The following CBFA2T3 variants were observed in gnomAD, a reference collection of about 807,000 sequenced individuals.
The protein encoded by CBFA2T3 is CBFA2/RUNX1 partner transcriptional co-repressor 3.
A neutral mutation model predicts 58.6 loss-of-function variants in CBFA2T3; 31 were observed. That is an observed-to-expected ratio of 0.53 (90% confidence interval 0.40 to 0.71). CBFA2T3 has a LOEUF of 0.71. CBFA2T3 is among the 30% of genes least tolerant of loss of function. The pLI is 0.00. For missense variants in CBFA2T3, 1,076 were observed against 963.1 expected, an observed-to-expected ratio of 1.12 and a Z score of -1.55; for synonymous variants, 531 against 421.9, an observed-to-expected ratio of 1.26 and a Z score of -3.17.
intron 8 of CBFA2T3, among the ~76,000 whole-genome samples, chr16:88,882,418 T>G (rs559921164): frequency 6.8e-6 from 1 of 147,492 alleles, no homozygotes; most frequent in African/African-American, 2.6e-5. Context: ...TGGCTGTGTG[T>G]GTATGGCTGT....
chr16:88,920,599 T>A (rs1305908544), intron 1 of CBFA2T3, among the ~76,000 whole-genome samples: 1 of 152,212 alleles, frequency 6.6e-6, no homozygotes, highest in Non-Finnish European at 1.5e-5. Flanking sequence ...ATATTTCATC[T>A]TAATTAATTC....
chr16:88,932,545 G>C (rs1318146520), intron 1 of CBFA2T3, among the ~76,000 whole-genome samples: 2 of 152,078 alleles, frequency 1.3e-5, no homozygotes, highest in African/African-American at 2.4e-5. Flanking sequence ...TACTCTGTAG[G>C]CTGAAGGGGG....
chr16:88,879,746 G>T (rs539352297), intron 10 of CBFA2T3: 1 of 416,852 alleles, frequency 2.4e-6, no homozygotes, highest in East Asian at 3.6e-5. Context: ...GTCACGTGGT[G>T]TCACAAGTCA....
At position 88,876,515 on chromosome 16, in the gene CBFA2T3, C is replaced by T. The variant is rs1968832786; in HGVS notation, c.*461G>A. On this transcript the variant is annotated 3_prime_UTR_variant, in exon 12 of 12. Coordinates refer to ENST00000268679, the MANE Select transcript of CBFA2T3 (RefSeq NM_005187.6). Reference sequence around the variant, plus strand: ...GCTCTTTTGCCAACACACAAAACCCCCCAAAATTCTTTGCTGAAAATATAA... The same window carrying T: ...GCTCTTTTGCCAACACACAAAACCCTCCAAAATTCTTTGCTGAAAATATAA... The T allele has an allele frequency of 4.2e-6, 1 of 235,490 alleles. No individual in the cohort carries two copies. Among genetic ancestry groups the T allele is most frequent in the Admixed American group, 5.6e-5 (1 of 17,822 alleles). The allele number at this position is 235,490 out of a possible 1,614,324, so 14.6% of individuals were successfully genotyped here.
At chr16:88,898,953 G>C (rs954912430) in intron 2 of CBFA2T3, among the ~76,000 whole-genome samples, 5 of 152,222 alleles carry the variant, frequency 3.3e-5, no homozygotes, top group Non-Finnish European at 5.9e-5. Context: ...CGGGTAGTGA[G>C]TTCTCTGTCA....
chr16:88,886,134 C>A lies in CBFA2T3; in HGVS notation c.720G>T (p.Leu240=). Residue 240 remains leucine (L), a synonymous_variant, in exon 6 of 12, where the codon CTG becomes CTT. Transcript: ENST00000268679. The part of the protein sequence containing the change: ...PFVIPFLKAN[L]PLLQRELLHC... ...GCAGGAGCTCCCGCTGCAGCAAGGG[C>A]AGGTTTGCCTGTGGGGTGGGGAAGG... The A allele has an allele frequency of 6.5e-7, 1 of 1,540,250 alleles. No homozygotes were observed.
intron 10 of CBFA2T3, 78 bp downstream of exon 10, chr16:88,880,642 A>C: frequency 8.2e-7 from 1 of 1,219,738 alleles, no homozygotes; most frequent in Non-Finnish European, 1.2e-6. Context: ...AGCTCTTCAA[A>C]GCTGAGCCGG....
intron 1 of CBFA2T3, among the ~76,000 whole-genome samples, chr16:88,947,464 CT>C (rs1239587528): frequency 3.9e-5 from 6 of 152,190 alleles, no homozygotes; most frequent in Admixed American, 6.5e-5. Flanking sequence ...TTTGATTCCC[CT>C]ATCGTACAAA....
intron 5 of CBFA2T3, 75 bp downstream of exon 5, chr16:88,891,807 C>G: frequency 9.6e-7 from 1 of 1,037,016 alleles, no homozygotes; most frequent in South Asian, 1.3e-5. Context: ...CCACCGCTGT[C>G]CACGCTGGCA....
rs58069155 is a variant in CBFA2T3 at position 88,880,805 on chromosome 16, C to A, written c.1403-17G>T. The A allele has an allele frequency of 6.4e-7, 1 of 1,571,374 alleles. No homozygotes were observed. Among genetic ancestry groups the A allele is most frequent in the South Asian group, 1.2e-5 (1 of 85,812 alleles). ...GAGGCACGTCTGAAACAGGGGCCGG[C>A]GTCACACAGGATGGGCCACGCGGCT... On this transcript the variant is annotated splice_polypyrimidine_tract_variant and intron_variant, in intron 9 of 11. Coordinates refer to ENST00000268679, the MANE Select transcript of CBFA2T3 (RefSeq NM_005187.6).
intron 1 of CBFA2T3, among the ~76,000 whole-genome samples, chr16:88,959,215 G>A (rs1699109751): frequency 6.6e-6 from 1 of 152,242 alleles, no homozygotes; most frequent in Non-Finnish European, 1.5e-5. Context: ...TGGGCCTGCT[G>A]TGTCCTGGTC....
intron 1 of CBFA2T3, among the ~76,000 whole-genome samples, chr16:88,960,773 C>CT (rs1270573692): frequency 1.3e-5 from 2 of 152,214 alleles, no homozygotes; most frequent in African/African-American, 4.8e-5. Context: ...AGAAACAAAC[C>CT]TTGTTTACAC....
At chr16:88,909,415 G>C (rs1970448439) in intron 1 of CBFA2T3, among the ~76,000 whole-genome samples, 1 of 152,258 alleles carries the variant, frequency 6.6e-6, no homozygotes, top group African/African-American at 2.4e-5. Context: ...ACGCGTGGCA[G>C]TCACTGGCAA....
At chr16:88,891,678 C>T (rs1019642108) in intron 5 of CBFA2T3, among the ~76,000 whole-genome samples, 10 of 152,196 alleles carry the variant, frequency 6.6e-5, no homozygotes, top group Non-Finnish European at 1.5e-5. Context: ...TAGGAGTCAA[C>T]CCTGACTAGT....
At chr16:88,897,319 G>T (rs116176800) in intron 3 of CBFA2T3, among the ~76,000 whole-genome samples, 1 of 152,226 alleles carries the variant, frequency 6.6e-6, no homozygotes, top group Non-Finnish European at 1.5e-5. Flanking sequence ...TGCTGCCCTC[G>T]TTCTTAGAGC....
chr16:88,938,721 A>G (rs1483335246), intron 1 of CBFA2T3: 3 of 152,246 alleles, frequency 2.0e-5, no homozygotes, highest in Non-Finnish European at 4.4e-5. Flanking sequence ...CGTGGCACAC[A>G]CGGCACTGGG....
chr16:88,917,942 G>A (rs1970792763), intron 1 of CBFA2T3, among the ~76,000 whole-genome samples: 2 of 152,200 alleles, frequency 1.3e-5, no homozygotes, highest in African/African-American at 4.8e-5. Context: ...GACCCCAGGA[G>A]ACGGTGCAGG....
At position 88,904,379 on chromosome 16, in the gene CBFA2T3, C is replaced by T. The variant is rs144263109; in HGVS notation, c.152-2723G>A. Among the ~76,000 whole-genome samples the T allele has an allele frequency of 3.8e-3, 576 of 152,182 alleles. 5 individuals are homozygous for T. Among genetic ancestry groups the T allele is most frequent in the African/African-American group, 0.013 (539 of 41,510 alleles). ...CCATTTTACTAGGACGGACCAGGCT[C>T]GGAGAGATGAAGTCATCTACCCAAG... On this transcript the variant is annotated intron_variant, in intron 1 of 11. Transcript: ENST00000268679.
intron 1 of CBFA2T3, among the ~76,000 whole-genome samples, chr16:88,944,828 A>C (rs1406693548): frequency 1.3e-5 from 2 of 152,206 alleles, no homozygotes; most frequent in African/African-American, 2.4e-5. Context: ...AGGCCCTCTC[A>C]TGTGCCCTCC....
Sources: allele counts gnomAD v4.1 joint callset (sites outside exome capture counted in the v4.1 genomes callset), GRCh38; gene constraint gnomAD v4.1.1; transcripts MANE v1.5; gene names NCBI Gene and HGNC (gene_info 2026-07-23, HGNC 2026-07-21).